The following MAML3 variants were observed in gnomAD, a reference collection of about 807,000 sequenced individuals.
MAML3 encodes the protein mastermind-like protein 3.
Under a neutral mutation model 101.9 loss-of-function variants are expected in MAML3, and 27 were observed. That is an observed-to-expected ratio of 0.27 (90% CI 0.20 to 0.37). The LOEUF (loss-of-function observed/expected upper bound fraction) is 0.37. Among genes scored for constraint, MAML3 ranks in the 10% least tolerant of loss-of-function variants. The probability of loss-of-function intolerance (pLI) is 1.00; values close to 1 mark genes in which losing one functional copy is unlikely to be tolerated. For missense variants in MAML3, 1,316 were observed against 1,444.9 expected, an observed-to-expected ratio of 0.91 and a Z score of 1.45; for synonymous variants, 501 against 555.9, an observed-to-expected ratio of 0.90 and a Z score of 1.39.
At chr4:139,726,046 C>G (rs1728461609) in intron 3 of MAML3, among the ~76,000 whole-genome samples, 1 of 152,228 alleles carries the variant, frequency 6.6e-6, no homozygotes, top group African/African-American at 2.4e-5. Context: ...CCAGCCCCCA[C>G]ATCAAGAAAC....
At chr4:140,140,082 G>A (rs1300381106) in intron 1 of MAML3, among the ~76,000 whole-genome samples, 2 of 152,330 alleles carry the variant, frequency 1.3e-5, no homozygotes, top group South Asian at 2.1e-4. Flanking sequence ...CCAGCACTTT[G>A]GGAGGTCAAG....
intron 2 of MAML3, among the ~76,000 whole-genome samples, chr4:139,782,377 G>A (rs1484353645): frequency 6.6e-6 from 1 of 152,004 alleles, no homozygotes; most frequent in African/African-American, 2.4e-5. Context: ...ATGTTGCCCG[G>A]GCTGGTCTTA....
chr4:140,122,170 T>C (rs1728616566), intron 1 of MAML3, among the ~76,000 whole-genome samples: 2 of 152,086 alleles, frequency 1.3e-5, no homozygotes, highest in Admixed American at 6.6e-5. Context: ...ATACTTATTT[T>C]TTAAAGTAGG....
At chr4:140,152,138 G>A (rs1010351060) in intron 1 of MAML3, among the ~76,000 whole-genome samples, 1 of 152,098 alleles carries the variant, frequency 6.6e-6, no homozygotes, top group Non-Finnish European at 1.5e-5. Context: ...TCCACCTGCC[G>A]GGCTAGCCCC....
intron 2 of MAML3, among the ~76,000 whole-genome samples, chr4:139,860,709 G>GATAAAGCT (rs1731762673): frequency 6.6e-6 from 1 of 152,118 alleles, no homozygotes; most frequent in Admixed American, 6.5e-5. Flanking sequence ...GGAGCCTTTG[G>GATAAAGCT]ATAAAGCTAT....
chr4:139,845,878 TAC>T (rs1382379875), intron 2 of MAML3, among the ~76,000 whole-genome samples: 1 of 152,234 alleles, frequency 6.6e-6, no homozygotes, highest in Non-Finnish European at 1.5e-5. Context: ...GTAGTAAAAT[TAC>T]AGTTCGTTAA....
intron 1 of MAML3, among the ~76,000 whole-genome samples, chr4:140,118,759 C>T (rs976623171): frequency 2.0e-5 from 3 of 152,044 alleles, no homozygotes; most frequent in Admixed American, 6.5e-5. Flanking sequence ...CCATTGGAAA[C>T]GATCATGCTG....
intron 2 of MAML3, among the ~76,000 whole-genome samples, chr4:139,831,735 C>T (rs1185008465): frequency 2.0e-5 from 3 of 152,098 alleles, no homozygotes; most frequent in South Asian, 2.1e-4. Flanking sequence ...TCAATTAAAC[C>T]GAACATGATA....
At chr4:140,146,915 C>G (rs1729073568) in intron 1 of MAML3, among the ~76,000 whole-genome samples, 1 of 151,908 alleles carries the variant, frequency 6.6e-6, no homozygotes, top group Non-Finnish European at 1.5e-5. Context: ...GTGGGCAGAT[C>G]ACAAGGTCAG....
intron 1 of MAML3, among the ~76,000 whole-genome samples, chr4:139,971,434 G>A (rs1734233605): frequency 6.6e-6 from 1 of 152,118 alleles, no homozygotes; most frequent in Non-Finnish European, 1.5e-5. Context: ...GTATCTGAAT[G>A]AACACAACAG....
intron 1 of MAML3, among the ~76,000 whole-genome samples, chr4:140,003,848 C>T (rs1426320162): frequency 6.6e-6 from 1 of 152,166 alleles, no homozygotes; most frequent in Non-Finnish European, 1.5e-5. Flanking sequence ...AAGTCTGCCC[C>T]AGGTATATGA....
At chr4:139,892,930 C>CA (rs572440211) in intron 1 of MAML3, among the ~76,000 whole-genome samples, 6,488 of 69,452 alleles carry the variant, frequency 0.093, 470 homozygotes, top group African/African-American at 0.18. Context: ...GACTCCGTCT[C>CA]AAAAAAAAAA....
chr4:139,919,236 T>C lies in MAML3; in HGVS notation c.469-28269A>G, dbSNP rs78827391. Among the ~76,000 whole-genome samples, 330 of 152,238 alleles carry C rather than the reference T, an allele frequency of 2.2e-3. 11 individuals are homozygous for C. The East Asian group carries it at 0.058, about 27-fold the overall frequency. ...TGGGATGATTTAGATATGGTCTTCATTGAAGAAGGGGGAGGAAGGGGGATG... is the reference window on the plus strand; with the variant it reads ...TGGGATGATTTAGATATGGTCTTCACTGAAGAAGGGGGAGGAAGGGGGATG... On this transcript the variant is annotated intron_variant, in intron 1 of 4. Transcript: ENST00000509479.
intron 1 of MAML3, among the ~76,000 whole-genome samples, chr4:140,129,467 A>C (rs1291541328): frequency 6.6e-6 from 1 of 152,230 alleles, no homozygotes; most frequent in African/African-American, 2.4e-5. Flanking sequence ...TTTCAGCTGC[A>C]GCACATAGTT....
chr4:139,784,799 C>G (rs1338812462), intron 2 of MAML3, among the ~76,000 whole-genome samples: 1 of 152,184 alleles, frequency 6.6e-6, no homozygotes, highest in Non-Finnish European at 1.5e-5. Flanking sequence ...TCCGATCACT[C>G]TCTTGCTTCA....
At chr4:139,722,174 G>T (rs568884210) in intron 4 of MAML3, among the ~76,000 whole-genome samples, 3 of 152,158 alleles carry the variant, frequency 2.0e-5, no homozygotes, top group Admixed American at 6.5e-5. Flanking sequence ...GGGCAGAAGC[G>T]TTACAATGCT....
chr4:139,953,339 G>T (rs1323539212), intron 1 of MAML3, among the ~76,000 whole-genome samples: 1 of 152,180 alleles, frequency 6.6e-6, no homozygotes, highest in Non-Finnish European at 1.5e-5. Flanking sequence ...TACATTTAAT[G>T]AAACAACTTT....
At chr4:140,030,859 G>A (rs886895094) in intron 1 of MAML3, among the ~76,000 whole-genome samples, 1 of 152,184 alleles carries the variant, frequency 6.6e-6, no homozygotes, top group Non-Finnish European at 1.5e-5. Flanking sequence ...TACCTCTCCA[G>A]GCACTGCTGT....
At chr4:139,857,403 A>G (rs973047897) in intron 2 of MAML3, among the ~76,000 whole-genome samples, 2 of 152,186 alleles carry the variant, frequency 1.3e-5, no homozygotes, top group African/African-American at 4.8e-5. Context: ...TGCCACTGCC[A>G]GATTCTGATC....
Sources: gnomAD v4.1 joint callset for allele counts (sites outside exome capture counted in the v4.1 genomes callset) on GRCh38, gnomAD v4.1.1 for gene constraint, MANE v1.5 for transcripts, NCBI Gene and HGNC (gene_info 2026-07-23, HGNC 2026-07-21) for gene names.